The following SYNPR variants were observed in gnomAD, a reference collection of about 807,000 sequenced individuals.
SYNPR encodes the protein synaptoporin.
SYNPR carries 23 observed loss-of-function variants against 32.9 expected under a neutral mutation model. The observed-to-expected ratio is 0.70, with a 90% confidence interval of 0.50 to 0.99. The LOEUF (loss-of-function observed/expected upper bound fraction) is 0.99. SYNPR is among the 50% of genes least tolerant of loss of function. SYNPR has a pLI of 0.00. For missense variants in SYNPR, 318 were observed against 349.3 expected, an observed-to-expected ratio of 0.91 and a Z score of 0.71; for synonymous variants, 146 against 135.9, an observed-to-expected ratio of 1.07 and a Z score of -0.52.
intron 2 of SYNPR, among the ~76,000 whole-genome samples, chr3:63,398,984 G>A (rs2088255369): frequency 6.6e-6 from 1 of 152,178 alleles, no homozygotes; most frequent in African/African-American, 2.4e-5. Context: ...TACTGAAAAA[G>A]TATCTGATGC....
chr3:63,246,425 T>C (rs1171226329), intron 1 of SYNPR, among the ~76,000 whole-genome samples: 5 of 152,104 alleles, frequency 3.3e-5, no homozygotes, highest in African/African-American at 1.2e-4. Flanking sequence ...CAGGCACTCT[T>C]CTGGCACTGG....
chr3:63,374,129 G>T (rs2087853713), intron 2 of SYNPR, among the ~76,000 whole-genome samples: 1 of 152,114 alleles, frequency 6.6e-6, no homozygotes, highest in African/African-American at 2.4e-5. Flanking sequence ...ATTTTCAAGG[G>T]GAATGCTTCC....
intron 3 of SYNPR, among the ~76,000 whole-genome samples, chr3:63,549,682 C>T (rs1702467998): frequency 6.6e-6 from 1 of 152,210 alleles, no homozygotes; most frequent in African/African-American, 2.4e-5. Flanking sequence ...TGTCTTGCTC[C>T]AGTCCCCTGA....
intron 2 of SYNPR, among the ~76,000 whole-genome samples, chr3:63,409,014 C>G (rs1005500511): frequency 6.6e-6 from 1 of 152,070 alleles, no homozygotes; most frequent in Non-Finnish European, 1.5e-5. Context: ...CTCTTCCTCC[C>G]TTTTCTACCC....
intron 2 of SYNPR, among the ~76,000 whole-genome samples, chr3:63,350,836 T>C (rs1426404960): frequency 6.6e-6 from 1 of 152,186 alleles, no homozygotes; most frequent in African/African-American, 2.4e-5. Flanking sequence ...GGCCAAATCA[T>C]GTCTATAGCT....
intron 2 of SYNPR, among the ~76,000 whole-genome samples, chr3:63,416,531 T>TAAAAAAAAAAAA (rs60383627): frequency 2.8e-5 from 3 of 105,338 alleles, no homozygotes; most frequent in Non-Finnish European, 3.7e-5. Context: ...GACTCTGTCT[T>TAAAAAAAAAAAA]AAAAAAAAAA....
the SYNPR span, among the ~76,000 whole-genome samples, chr3:63,201,912 A>G: frequency 9.0e-4 from 137 of 152,060 alleles, 1 homozygote; most frequent in African/African-American, 3.1e-3. Flanking sequence ...TTTCTACTGA[A>G]TTGGTTACTT....
intron 2 of SYNPR, among the ~76,000 whole-genome samples, chr3:63,279,063 A>G (rs1319067326): frequency 6.6e-6 from 1 of 152,108 alleles, no homozygotes; most frequent in Non-Finnish European, 1.5e-5. Flanking sequence ...GGCGCATGGA[A>G]GGGCTGCCGC....
At chr3:63,373,120 T>C (rs1289786176) in intron 2 of SYNPR, among the ~76,000 whole-genome samples, 2 of 151,982 alleles carry the variant, frequency 1.3e-5, no homozygotes, top group African/African-American at 2.4e-5. Context: ...CATCCCACCA[T>C]AGATGAGAAA....
intron 1 of SYNPR, among the ~76,000 whole-genome samples, chr3:63,249,858 G>C (rs140032750): frequency 5.9e-5 from 9 of 152,054 alleles, no homozygotes; most frequent in African/African-American, 2.2e-4. Context: ...GCCTTGCTTT[G>C]GGGGATGAAT....
chr3:63,393,217 T>C lies in SYNPR; in HGVS notation c.85-87615T>C, dbSNP rs376653802. Among the ~76,000 whole-genome samples, 7 of 152,212 alleles carry C rather than the reference T, an allele frequency of 4.6e-5. No individual in the cohort carries two copies. In the East Asian group the frequency reaches 1.3e-3, roughly 29 times the overall value. The stretch of plus-strand genomic sequence containing the variant: ...TTCTCTCTTCCCCCAATGATGAATA[T>C]CTAAGATATTTTACTTTTTTCCTGT... On this transcript the variant is annotated intron_variant, in intron 2 of 5. Transcript: ENST00000478300.
chr3:63,502,853 C>G (rs1445809357), intron 3 of SYNPR, among the ~76,000 whole-genome samples: 1 of 151,710 alleles, frequency 6.6e-6, no homozygotes, highest in Non-Finnish European at 1.5e-5. Context: ...ATTGCATGTA[C>G]TGCAGTTTAT....
chr3:63,603,869 A>T (rs1472160549), intron 4 of SYNPR, among the ~76,000 whole-genome samples: 2 of 152,082 alleles, frequency 1.3e-5, no homozygotes, highest in African/African-American at 4.8e-5. Context: ...GCCTCATAGG[A>T]TGAGCTGGGA....
In SYNPR at chr3:63,408,319, GGAAAGAAAGAAA is replaced by G. The variant is rs1214316826; in HGVS notation, c.85-72460_85-72449del. On this transcript the variant is annotated intron_variant, in intron 2 of 5. Transcript: ENST00000478300. ...AGGAAGGAAGGAAGGAAGGAAGGAAGGAAAGAAAGAAAGAAAGAAAGAAAGAAAGAAAGAAAG... is the reference window on the plus strand; with the variant it reads ...AGGAAGGAAGGAAGGAAGGAAGGAAGGAAAGAAAGAAAGAAAGAAAGAAAG... Among the ~76,000 whole-genome samples the G allele has an allele frequency of 8.7e-3, 146 of 16,826 alleles. 4 individuals carry two copies. Among genetic ancestry groups the G allele is most frequent in the Non-Finnish European group, 0.012 (113 of 9,826 alleles). 11.0% of individuals were successfully genotyped at this position (16,826 alleles called of 152,430 possible). A position where few individuals can be genotyped will look rare whatever the true frequency, so the allele number is the denominator to read the frequency against.
rs149842883 is a variant in SYNPR, at chr3:63,398,058, G to C, written c.85-82774G>C. Among the ~76,000 whole-genome samples, 1,098 of 152,288 alleles carry C rather than the reference G, an allele frequency of 7.2e-3. 6 individuals carry two copies. Among genetic ancestry groups the C allele is most frequent in the Non-Finnish European group, 0.012 (786 of 68,024 alleles). On this transcript the variant is annotated intron_variant, in intron 2 of 5. Transcript: ENST00000478300. Reference sequence around the variant, plus strand: ...GTAGGGTGGTGTGGTGAAGAAAAGAGGGTGAACCTTTTAGAAGAGCCTGGG... The same window carrying C: ...GTAGGGTGGTGTGGTGAAGAAAAGACGGTGAACCTTTTAGAAGAGCCTGGG...
intron 5 of SYNPR, among the ~76,000 whole-genome samples, chr3:63,615,020 CT>C (rs1700257164): frequency 1.3e-5 from 2 of 152,140 alleles, no homozygotes; most frequent in South Asian, 4.2e-4. Flanking sequence ...ACATAAAGCC[CT>C]TTATGTAGTG....
chr3:63,605,186 G>T (rs930550014), intron 4 of SYNPR, among the ~76,000 whole-genome samples: 1 of 152,200 alleles, frequency 6.6e-6, no homozygotes, highest in Non-Finnish European at 1.5e-5. Flanking sequence ...AGGGGATAGA[G>T]AGAAAGGTGT....
At chr3:63,310,072 C>T (rs1185042941) in intron 2 of SYNPR, among the ~76,000 whole-genome samples, 1 of 151,840 alleles carries the variant, frequency 6.6e-6, no homozygotes, top group African/African-American at 2.4e-5. Context: ...TAGGGAAGAG[C>T]TACCCCCTAC....
chr3:63,587,506 G>C (rs1703208164), intron 4 of SYNPR, among the ~76,000 whole-genome samples: 1 of 152,038 alleles, frequency 6.6e-6, no homozygotes, highest in African/African-American at 2.4e-5. Flanking sequence ...TTTCAAAGGA[G>C]TATTTGACAG....
Sources: allele counts gnomAD v4.1 joint callset (sites outside exome capture counted in the v4.1 genomes callset), GRCh38; gene constraint gnomAD v4.1.1; transcripts MANE v1.5; gene names NCBI Gene and HGNC (gene_info 2026-07-23, HGNC 2026-07-21).